Variants in SDK1 observed in about 807,000 individuals in gnomAD.
The protein encoded by SDK1 is sidekick cell adhesion molecule 1.
A neutral mutation model predicts 245.5 loss-of-function variants in SDK1; 157 were observed. That is an observed-to-expected ratio of 0.64 (90% confidence interval 0.56 to 0.73). The LOEUF is 0.73. Among genes scored for constraint, SDK1 ranks in the 30% least tolerant of loss-of-function variants. SDK1 has a pLI of 0.00. For missense variants in SDK1, 3,583 were observed against 3,002.3 expected, an observed-to-expected ratio of 1.19 and a Z score of -4.52; for synonymous variants, 1,647 against 1,278.5, an observed-to-expected ratio of 1.29 and a Z score of -6.15.
intron 30 of SDK1, among the ~76,000 whole-genome samples, chr7:4,155,457 G>T (rs1403944583): frequency 1.3e-5 from 2 of 152,228 alleles, no homozygotes; most frequent in African/African-American, 4.8e-5. Context: ...ACCCAGGCAG[G>T]ACAGTGGAGA....
At chr7:3,784,356 A>G (rs978063151) in intron 4 of SDK1, among the ~76,000 whole-genome samples, 4 of 152,106 alleles carry the variant, frequency 2.6e-5, no homozygotes, top group African/African-American at 9.6e-5. Context: ...CACACCATAT[A>G]TTAATATAAA....
chr7:4,110,908 G>A, intron 23 of SDK1, 136 bp downstream of exon 23: 1 of 655,568 alleles, frequency 1.5e-6, no homozygotes, highest in Non-Finnish European at 2.8e-6. Flanking sequence ...GTACCTAAAA[G>A]CCTTAAGGAG....
At chr7:3,462,403 CA>C (rs1237833226) in intron 1 of SDK1, among the ~76,000 whole-genome samples, 1 of 152,122 alleles carries the variant, frequency 6.6e-6, no homozygotes, top group African/African-American at 2.4e-5. Flanking sequence ...TAGCATTTCC[CA>C]AAGCTAGACC....
In SDK1 at chr7:4,264,720, C is replaced by G. The variant is rs1468005282; in HGVS notation, c.6382-404C>G. Among the ~76,000 whole-genome samples, 3 of 151,062 alleles carry G rather than the reference C, an allele frequency of 2.0e-5. No individual in the cohort carries two copies. The East Asian group carries it at 6.0e-4, about 30-fold the overall frequency. On this transcript the variant is annotated intron_variant, in intron 44 of 44. Coordinates refer to ENST00000404826, the MANE Select transcript of SDK1 (RefSeq NM_152744.4). ...AGTGGGGAGGCGGTGTGGACCTCTC[C>G]TGGGGTAAGGAAGGCCGTGTAGACC...
chr7:3,771,192 C>G (rs1348355371), intron 4 of SDK1, among the ~76,000 whole-genome samples: 1 of 152,066 alleles, frequency 6.6e-6, no homozygotes, highest in South Asian at 2.1e-4. Context: ...GTCTCTGATT[C>G]TTCAGCAAGC....
At chr7:3,592,819 G>C (rs1236387232) in intron 1 of SDK1, among the ~76,000 whole-genome samples, 1 of 152,180 alleles carries the variant, frequency 6.6e-6, no homozygotes, top group Non-Finnish European at 1.5e-5. Flanking sequence ...TGATTATTAG[G>C]AAGTATATGT....
At chr7:3,357,284 T>C (rs1273560528) in intron 1 of SDK1, among the ~76,000 whole-genome samples, 2 of 149,112 alleles carry the variant, frequency 1.3e-5, no homozygotes, top group African/African-American at 4.9e-5. Context: ...AATTTGGCAT[T>C]TTATGTTTCA....
intron 5 of SDK1, among the ~76,000 whole-genome samples, chr7:3,890,623 T>A (rs931492672): frequency 6.6e-6 from 1 of 151,952 alleles, no homozygotes; most frequent in African/African-American, 2.4e-5. Flanking sequence ...GCTGGGATAT[T>A]GTATTTGTTT....
intron 1 of SDK1, among the ~76,000 whole-genome samples, chr7:3,440,689 G>A (rs1239617124): frequency 6.6e-6 from 1 of 152,146 alleles, no homozygotes; most frequent in East Asian, 1.9e-4. Context: ...ACTTAAGAAG[G>A]AAAGAGAAAA....
intron 1 of SDK1, among the ~76,000 whole-genome samples, chr7:3,443,615 C>T (rs1390532022): frequency 2.0e-5 from 3 of 152,220 alleles, no homozygotes; most frequent in South Asian, 2.1e-4. Context: ...CTCATACAGC[C>T]GGCATTAATT....
chr7:3,965,784 C>T (rs1261347867), intron 9 of SDK1, among the ~76,000 whole-genome samples: 2 of 151,920 alleles, frequency 1.3e-5, no homozygotes, highest in Non-Finnish European at 2.9e-5. Flanking sequence ...CTCCCCCAGA[C>T]AGTGTGGCTG....
At chr7:3,676,322 C>CTT (rs3086109) in intron 4 of SDK1, among the ~76,000 whole-genome samples, 22 of 133,336 alleles carry the variant, frequency 1.6e-4, no homozygotes, top group Non-Finnish European at 1.3e-4. Flanking sequence ...TCTTCTAGTA[C>CTT]TTTTTTTTTT....
At chr7:3,435,181 C>G (rs933946475) in intron 1 of SDK1, among the ~76,000 whole-genome samples, 4 of 92,880 alleles carry the variant, frequency 4.3e-5, no homozygotes, top group African/African-American at 9.7e-5. Flanking sequence ...TTTTTGAAAT[C>G]TTTTTCTCAT....
chr7:3,823,194 A>T (rs1015638387), intron 5 of SDK1, among the ~76,000 whole-genome samples: 17 of 152,062 alleles, frequency 1.1e-4, no homozygotes, highest in African/African-American at 3.6e-4. Flanking sequence ...ATTTATTAAG[A>T]TTTTTTCCAA....
intron 28 of SDK1, among the ~76,000 whole-genome samples, chr7:4,137,260 A>T (rs770950145): frequency 1.6e-4 from 24 of 152,274 alleles, no homozygotes; most frequent in Admixed American, 5.9e-4. Context: ...GTGCCACTGC[A>T]CTCCAGCCTG....
chr7:4,254,672 G>GT (rs1238673908), intron 44 of SDK1, among the ~76,000 whole-genome samples: 2 of 149,664 alleles, frequency 1.3e-5, no homozygotes, highest in Non-Finnish European at 3.0e-5. Flanking sequence ...ACTTTCCTGG[G>GT]TTTTTTTGAA....
rs142107345 is a variant in SDK1 at position 4,220,168 on chromosome 7, C to T, written c.5599C>T (p.Arg1867Trp). 9.0e-5 allele frequency: 146 copies of T among 1,613,948 alleles called. No homozygotes were observed. The highest frequency in any genetic ancestry group is 1.1e-4 in the Non-Finnish European group (133 of 1,179,958). ...RGNWQRWLKV[R>W]DLTKGVTYFF... ...GAACTGGCAGCGCTGGCTGAAGGTG[C>T]GGGACCTCACCAAGGGAGTGACCTA... Residue 1867 changes from arginine to tryptophan, a missense_variant, in exon 39 of 45, where the codon CGG becomes TGG. Transcript: ENST00000404826.
At chr7:3,898,360 C>G (rs953441580) in intron 5 of SDK1, among the ~76,000 whole-genome samples, 10 of 152,180 alleles carry the variant, frequency 6.6e-5, no homozygotes, top group South Asian at 2.1e-4. Flanking sequence ...AGCCTGCTGT[C>G]CGGTACAATG....
At chr7:4,196,800 G>C (rs917106335) in intron 35 of SDK1, among the ~76,000 whole-genome samples, 2 of 152,220 alleles carry the variant, frequency 1.3e-5, no homozygotes, top group African/African-American at 4.8e-5. Flanking sequence ...TCATGAGCCA[G>C]TGCTTCTCAC....
Sources: gnomAD v4.1 joint callset for allele counts (sites outside exome capture counted in the v4.1 genomes callset) on GRCh38, gnomAD v4.1.1 for gene constraint, MANE v1.5 for transcripts, NCBI Gene and HGNC (gene_info 2026-07-23, HGNC 2026-07-21) for gene names.